The following CDK3 variants were observed in gnomAD, a reference collection of about 807,000 sequenced individuals.
CDK3 encodes the protein cyclin-dependent kinase 3.
A neutral mutation model predicts 30.2 loss-of-function variants in CDK3; 24 were observed. The observed-to-expected ratio is 0.79, with a 90% CI of 0.57 to 1.12. CDK3 has a LOEUF of 1.12. Among genes scored for constraint, CDK3 ranks in the 50% most tolerant of loss-of-function variants. The pLI, the probability that CDK3 is intolerant of heterozygous loss-of-function variation, is 0.00. For synonymous variants in CDK3, 158 were observed against 154.2 expected, an observed-to-expected ratio of 1.02 and a Z score of -0.18; for missense variants, 345 against 376.0, an observed-to-expected ratio of 0.92 and a Z score of 0.68.
At position 76,001,690 on chromosome 17, in the gene CDK3, C is replaced by A; in HGVS notation, c.116+149C>A. 1 of 887,002 alleles carries A rather than the reference C, an allele frequency of 1.1e-6. No homozygotes were observed. Among genetic ancestry groups the A allele is most frequent in the Non-Finnish European group, 1.7e-6 (1 of 581,282 alleles). The allele number at this position is 887,002 out of a possible 1,614,324, so 54.9% of individuals were successfully genotyped here. A position where few individuals can be genotyped will look rare whatever the true frequency, so the allele number is the denominator to read the frequency against. Reference sequence around the variant, plus strand: ...ACCTGTCCTCTCCCCAGTTCACTGCCTTCTGACCAGCCTTTGCCGGGGCCC... The same window carrying A: ...ACCTGTCCTCTCCCCAGTTCACTGCATTCTGACCAGCCTTTGCCGGGGCCC... On this transcript the variant is annotated intron_variant, in intron 2 of 7. Transcript: ENST00000448471. This position sits in a 1 kb window ranked among gnomAD's most constrained non-coding sequence, Gnocchi z 6.2.
In CDK3 at chr17:76,002,151, G is replaced by C; in HGVS notation, c.315+9G>C. On this transcript the variant is annotated intron_variant, in intron 4 of 7. Coordinates refer to ENST00000448471, the MANE Select transcript of CDK3 (RefSeq NM_001258.4). The surrounding 1 kb of genome is among the most constrained non-coding windows in gnomAD (Gnocchi z 4.3). ...CCCTGCACCTCATCAAGGTAGGGAA[G>C]GAAGGGCAGGGAAGGAGAGGTGACA... 1 of 1,613,832 alleles carries C rather than the reference G, an allele frequency of 6.2e-7. No individual in the cohort carries two copies. The highest frequency in any genetic ancestry group is 2.2e-5 in the East Asian group (1 of 44,870).
At position 76,001,523 on chromosome 17, in the gene CDK3, A is replaced by G; in HGVS notation, c.98A>G (p.Lys33Arg). The change falls in exon 2 of 8, where the codon AAG becomes AGG. Residue 33 changes from lysine to arginine, a missense_variant. By Grantham distance (26) the Lys-to-Arg change is conservative. Coordinates refer to ENST00000448471, the MANE Select transcript of CDK3 (RefSeq NM_001258.4). This position sits in a 1 kb window ranked among gnomAD's most constrained non-coding sequence, Gnocchi z 6.2. ...GAGACAGGGCAGCTGGTGGCCCTGA[A>G]GAAGATCAGACTGGATTTGTGAGTG... ...NRETGQLVAL[K>R]KIRLDLEMEG... 6.2e-7 allele frequency: 1 copy of G among 1,613,230 alleles called. No homozygotes were observed. Among genetic ancestry groups the G allele is most frequent in the Non-Finnish European group, 8.5e-7 (1 of 1,179,866 alleles).
Position 76,005,214 on chromosome 17 carries a change from C to A in CDK3, c.793-84C>A. On this transcript the variant is annotated intron_variant, in intron 7 of 7. Coordinates refer to ENST00000448471, the MANE Select transcript of CDK3 (RefSeq NM_001258.4). This position sits in a 1 kb window ranked among gnomAD's most constrained non-coding sequence, Gnocchi z 4.7. ...GAGGGCAGCCAATTTGGGGCCCAGGCCCTTGATCTGGGACCTGGGAGGGGA... is the reference window on the plus strand; with the variant it reads ...GAGGGCAGCCAATTTGGGGCCCAGGACCTTGATCTGGGACCTGGGAGGGGA... 6.5e-7 allele frequency: 1 copy of A among 1,532,338 alleles called. No individual in the cohort carries two copies. The highest frequency in any genetic ancestry group is 8.8e-7 in the Non-Finnish European group (1 of 1,131,388). The allele number at this position is 1,532,338 out of a possible 1,614,324, so 94.9% of individuals were successfully genotyped here. A position where few individuals can be genotyped will look rare whatever the true frequency, so the allele number is the denominator to read the frequency against.
At position 76,001,434 on chromosome 17, in the gene CDK3, G is replaced by C; in HGVS notation, c.9G>C (p.Met3Ile). The change falls in exon 2 of 8, where the codon ATG becomes ATC. Residue 3 changes from methionine (M) to isoleucine (I), a missense_variant. Transcript: ENST00000448471. The surrounding 1 kb of genome is among the most constrained non-coding windows in gnomAD (Gnocchi z 6.2). ...CAGGCAGCTCTGTGGCCATGGATATGTTCCAGAAGGTAGAGAAGATCGGAG... is the reference window on the plus strand; with the variant it reads ...CAGGCAGCTCTGTGGCCATGGATATCTTCCAGAAGGTAGAGAAGATCGGAG... MD[M>I]FQKVEKIGEG... The C allele has an allele frequency of 6.2e-7, 1 of 1,614,152 alleles. No individual in the cohort carries two copies. Among genetic ancestry groups the C allele is most frequent in the Non-Finnish European group, 8.5e-7 (1 of 1,179,992 alleles).
At position 76,001,136 on chromosome 17, in the gene CDK3, T is replaced by C. The variant is rs2066254688; in HGVS notation, c.-15+169T>C. ...GGGCCCTGCCCTCCGAGGCCGGGCA[T>C]GGGCGAGAAGCCTGGGGGTCCTGGC... On this transcript the variant is annotated intron_variant, in intron 1 of 7. Coordinates refer to ENST00000448471, the MANE Select transcript of CDK3 (RefSeq NM_001258.4). This position sits in a 1 kb window ranked among gnomAD's most constrained non-coding sequence, Gnocchi z 6.2. 1.6e-6 allele frequency: 2 copies of C among 1,253,754 alleles called. No individual in the cohort carries two copies. The highest frequency in any genetic ancestry group is 2.0e-6 in the Non-Finnish European group (2 of 987,204). 77.7% of individuals were successfully genotyped at this position (1,253,754 alleles called of 1,614,324 possible).
Position 76,005,477 on chromosome 17 carries a change from C to T in CDK3, c.*54C>T. 6.3e-7 allele frequency: 1 copy of T among 1,575,706 alleles called. No homozygotes were observed. The highest frequency in any genetic ancestry group is 1.7e-5 in the Admixed American group (1 of 57,740). On this transcript the variant is annotated 3_prime_UTR_variant, in exon 8 of 8. Coordinates refer to ENST00000448471, the MANE Select transcript of CDK3 (RefSeq NM_001258.4). This position sits in a 1 kb window ranked among gnomAD's most constrained non-coding sequence, Gnocchi z 4.7. ...CTCGAGCAGCTGCTGCCCCAGCTGC[C>T]TCCTACCCATTGCCAAGAGAGGATG...
rs2069527 is a variant in CDK3 at position 76,001,362 on chromosome 17, G to C, written c.-14-50G>C. On this transcript the variant is annotated intron_variant, in intron 1 of 7. Transcript: ENST00000448471. The surrounding 1 kb of genome is among the most constrained non-coding windows in gnomAD (Gnocchi z 6.2). The stretch of plus-strand genomic sequence containing the variant: ...GCCACATGGAAGCTGGAGGAGCAAC[G>C]GGAGCGCTGGGCGTGGGGTGCAAAT... 7.5e-6 allele frequency: 12 copies of C among 1,610,190 alleles called. No individual in the cohort carries two copies. Among genetic ancestry groups the C allele is most frequent in the Non-Finnish European group, 1.0e-5 (12 of 1,178,526 alleles).
At position 76,001,269 on chromosome 17, in the gene CDK3, G is replaced by A. The variant is rs2066256038; in HGVS notation, c.-14-143G>A. On this transcript the variant is annotated intron_variant, in intron 1 of 7. Transcript: ENST00000448471. This position sits in a 1 kb window ranked among gnomAD's most constrained non-coding sequence, Gnocchi z 6.2. ...CCAGGTTCCCAGGCAGGATGAGCTG[G>A]GGTTGGGGTGGCTAGGCCGTGGGCC... is the stretch of plus-strand genomic sequence containing the variant. 1 of 1,505,492 alleles carries A rather than the reference G, an allele frequency of 6.6e-7. No homozygotes were observed. Among genetic ancestry groups the A allele is most frequent in the South Asian group, 1.3e-5 (1 of 79,530 alleles). The allele number at this position is 1,505,492 out of a possible 1,614,324, so 93.3% of individuals were successfully genotyped here. A position where few individuals can be genotyped will look rare whatever the true frequency, so the allele number is the denominator to read the frequency against.
chr17:76,005,219 G>C lies in CDK3; in HGVS notation c.793-79G>C, dbSNP rs1456081690. The C allele has an allele frequency of 6.4e-7, 1 of 1,554,508 alleles. No homozygotes were observed. The highest frequency in any genetic ancestry group is 1.4e-5 in the African/African-American group (1 of 73,710). ...CAGCCAATTTGGGGCCCAGGCCCTTGATCTGGGACCTGGGAGGGGAATTTC... is the reference window on the plus strand; with the variant it reads ...CAGCCAATTTGGGGCCCAGGCCCTTCATCTGGGACCTGGGAGGGGAATTTC... On this transcript the variant is annotated intron_variant, in intron 7 of 7. Coordinates refer to ENST00000448471, the MANE Select transcript of CDK3 (RefSeq NM_001258.4). The surrounding 1 kb of genome is among the most constrained non-coding windows in gnomAD (Gnocchi z 4.7).
rs1430640955 is a variant in CDK3 at position 76,001,986 on chromosome 17, G to A, written c.194+35G>A. On this transcript the variant is annotated intron_variant, in intron 3 of 7. Coordinates refer to ENST00000448471, the MANE Select transcript of CDK3 (RefSeq NM_001258.4). The surrounding 1 kb of genome is among the most constrained non-coding windows in gnomAD (Gnocchi z 6.2). ...GGATTGAGGTGGGGAAGCTGGGATG[G>A]CGAAGGTAGCATCCTGACTGCCATC... 6.2e-7 allele frequency: 1 copy of A among 1,613,890 alleles called. No homozygotes were observed. Among genetic ancestry groups the A allele is most frequent in the Non-Finnish European group, 8.5e-7 (1 of 1,179,918 alleles).
intron 7 of CDK3, chr17:76,004,699 C>T (rs1261996125): frequency 6.5e-6 from 1 of 152,884 alleles, no homozygotes; most frequent in African/African-American, 2.4e-5. Flanking sequence ...CATTTCTCTC[C>T]TTAATCTGGT....
Position 76,002,458 on chromosome 17 carries a change from G to C in CDK3, c.486+40G>C, listed in dbSNP as rs2066269653. 6.2e-7 allele frequency: 1 copy of C among 1,609,328 alleles called. No individual in the cohort carries two copies. Among genetic ancestry groups the C allele is most frequent in the East Asian group, 2.2e-5 (1 of 44,838 alleles). ...AGAGGAGAGAGGGGCAGCAGGAGGA[G>C]TGTCACCCATGCACTCAGCCACCCT... On this transcript the variant is annotated intron_variant, in intron 5 of 7. Transcript: ENST00000448471. This position sits in a 1 kb window ranked among gnomAD's most constrained non-coding sequence, Gnocchi z 4.3.
chr17:76,001,173 G>A lies in CDK3; in HGVS notation c.-15+206G>A. On this transcript the variant is annotated intron_variant, in intron 1 of 7. Coordinates refer to ENST00000448471, the MANE Select transcript of CDK3 (RefSeq NM_001258.4). This position sits in a 1 kb window ranked among gnomAD's most constrained non-coding sequence, Gnocchi z 6.2. Reference sequence around the variant, plus strand: ...CTGGGGGTCCTGGCTGAACTGGGCTGGGTGAAGGGGGCCCCCTGACCCCCT... The same window carrying A: ...CTGGGGGTCCTGGCTGAACTGGGCTAGGTGAAGGGGGCCCCCTGACCCCCT... The A allele has an allele frequency of 7.4e-7, 1 of 1,345,126 alleles. No homozygotes were observed. Among genetic ancestry groups the A allele is most frequent in the Non-Finnish European group, 9.6e-7 (1 of 1,043,732 alleles). 83.3% of individuals were successfully genotyped at this position (1,345,126 alleles called of 1,614,324 possible). A position where few individuals can be genotyped will look rare whatever the true frequency, so the allele number is the denominator to read the frequency against.
At position 76,001,852 on chromosome 17, in the gene CDK3, G is replaced by C; in HGVS notation, c.117-22G>C. The stretch of plus-strand genomic sequence containing the variant: ...TTCTTGGCCCAAGTCTCTGCCCACG[G>C]CTGTGCCCTTGTTTCTTGCAGGGAG... On this transcript the variant is annotated intron_variant, in intron 2 of 7. Transcript: ENST00000448471. The surrounding 1 kb of genome is among the most constrained non-coding windows in gnomAD (Gnocchi z 6.2). 1.9e-6 allele frequency: 3 copies of C among 1,609,134 alleles called. No individual in the cohort carries two copies. Among genetic ancestry groups the C allele is most frequent in the Non-Finnish European group, 2.6e-6 (3 of 1,176,358 alleles).
rs1232065650 is a variant in CDK3 at position 76,004,217 on chromosome 17, CTGTT to C, written c.792+821_792+824del. The stretch of plus-strand genomic sequence containing the variant: ...CCCAGGAAGTCTCTGGCAGAACCGT[CTGTT>C]TTTTTTTTTTTTTTTGAGACAGGGT... On this transcript the variant is annotated intron_variant, in intron 7 of 7. Coordinates refer to ENST00000448471, the MANE Select transcript of CDK3 (RefSeq NM_001258.4). Among the ~76,000 whole-genome samples the C allele has an allele frequency of 4.6e-4, 14 of 30,464 alleles. No homozygotes were observed. In the South Asian group the frequency reaches 0.012, roughly 26 times the overall value. 20.0% of individuals were successfully genotyped at this position (30,464 alleles called of 152,430 possible). A position where few individuals can be genotyped will look rare whatever the true frequency, so the allele number is the denominator to read the frequency against.
At position 76,001,615 on chromosome 17, in the gene CDK3, C is replaced by T; in HGVS notation, c.116+74C>T. On this transcript the variant is annotated intron_variant, in intron 2 of 7. Coordinates refer to ENST00000448471, the MANE Select transcript of CDK3 (RefSeq NM_001258.4). The surrounding 1 kb of genome is among the most constrained non-coding windows in gnomAD (Gnocchi z 6.2). ...CTGGGCGCTCCCTGATCCGTTCCCT[C>T]TTTCCTGGAGTCCACGTTTAACTCC... The T allele has an allele frequency of 7.6e-7, 1 of 1,310,570 alleles. No individual in the cohort carries two copies. Among genetic ancestry groups the T allele is most frequent in the Non-Finnish European group, 1.1e-6 (1 of 921,984 alleles). The allele number at this position is 1,310,570 out of a possible 1,614,324, so 81.2% of individuals were successfully genotyped here. A position where few individuals can be genotyped will look rare whatever the true frequency, so the allele number is the denominator to read the frequency against.
rs913500066 is a variant in CDK3 at position 76,005,272 on chromosome 17, A to G, written c.793-26A>G. 2.5e-6 allele frequency: 4 copies of G among 1,611,416 alleles called. No individual in the cohort carries two copies. The highest frequency in any genetic ancestry group is 3.4e-6 in the Non-Finnish European group (4 of 1,178,416). ...ACCCCACCCTGGCTGCACCCAGACCACATCTTCTTCCTTCTTTCTTCCTAG... is the reference window on the plus strand; with the variant it reads ...ACCCCACCCTGGCTGCACCCAGACCGCATCTTCTTCCTTCTTTCTTCCTAG... On this transcript the variant is annotated intron_variant, in intron 7 of 7. Transcript: ENST00000448471. The surrounding 1 kb of genome is among the most constrained non-coding windows in gnomAD (Gnocchi z 4.7).
chr17:76,003,140 G>A lies in CDK3; in HGVS notation c.589-55G>A, dbSNP rs192675337. 4 of 1,468,510 alleles carry A rather than the reference G, an allele frequency of 2.7e-6. No homozygotes were observed. The East Asian group carries it at 6.8e-5, about 25-fold the overall frequency. 91.0% of individuals were successfully genotyped at this position (1,468,510 alleles called of 1,614,324 possible). ...TGGGTCTGGCCACTTATCTGGTATT[G>A]GATTCTGTATAACAAAGTGGCGGAC... On this transcript the variant is annotated intron_variant, in intron 6 of 7. Coordinates refer to ENST00000448471, the MANE Select transcript of CDK3 (RefSeq NM_001258.4).
chr17:76,000,956 G>C lies in CDK3; in HGVS notation c.-26G>C, dbSNP rs1458606521. 2 of 1,086,060 alleles carry C rather than the reference G, an allele frequency of 1.8e-6. No homozygotes were observed. The highest frequency in any genetic ancestry group is 1.7e-5 in the African/African-American group (1 of 59,294). 67.3% of individuals were successfully genotyped at this position (1,086,060 alleles called of 1,614,324 possible). On this transcript the variant is annotated 5_prime_UTR_variant, in exon 1 of 8. Transcript: ENST00000448471. This position sits in a 1 kb window ranked among gnomAD's most constrained non-coding sequence, Gnocchi z 5.9. ...CAGAGCCTGGGACTGGCTGGGCTGG[G>C]CAGTGACCCAGGTGGGAAAGGGTGG...
Sources: allele counts gnomAD v4.1 joint callset (sites outside exome capture counted in the v4.1 genomes callset), GRCh38; gene constraint gnomAD v4.1.1; non-coding constraint Gnocchi (gnomAD v3.1); transcripts MANE v1.5; gene names NCBI Gene and HGNC (gene_info 2026-07-23, HGNC 2026-07-21).